The following IQCM variants were observed in gnomAD, a reference collection of about 807,000 sequenced individuals.
The protein encoded by IQCM is IQ domain-containing protein M.
A neutral mutation model predicts 57.6 loss-of-function variants in IQCM; 45 were observed. The ratio of observed to expected loss-of-function variants is 0.78; its 90% confidence interval spans 0.62 to 1.00. The LOEUF (loss-of-function observed/expected upper bound fraction) is 1.00. Ranked by LOEUF, IQCM falls within the 50% of genes least tolerant of loss-of-function variation. IQCM has a pLI of 0.00. For missense variants in IQCM, 468 were observed against 511.6 expected (o/e 0.91, Z 0.82); for synonymous variants, 148 against 158.9 (o/e 0.93, Z 0.51).
intron 12 of IQCM, among the ~76,000 whole-genome samples, chr4:149,541,490 T>A (rs1747845309): frequency 6.6e-6 from 1 of 152,104 alleles, no homozygotes; most frequent in Admixed American, 6.6e-5. Context: ...AAAGTTCACA[T>A]TTCTAAAGAC....
intron 7 of IQCM, among the ~76,000 whole-genome samples, chr4:149,660,117 A>G (rs1760036074): frequency 6.6e-6 from 1 of 151,122 alleles, no homozygotes; most frequent in Non-Finnish European, 1.5e-5. Flanking sequence ...TCTACAATGA[A>G]CTCAAACAAA....
chr4:149,612,713 T>TAC (rs139097495), intron 8 of IQCM, among the ~76,000 whole-genome samples: 32,124 of 151,996 alleles, frequency 0.21, 4,228 homozygotes, highest in Non-Finnish European at 0.28. Context: ...TAAATTAATA[T>TAC]AGTTTTTTCA....
At chr4:149,686,266 C>T (rs1341809291) in intron 6 of IQCM, 112 bp downstream of exon 6, 1 of 432,416 alleles carries the variant, frequency 2.3e-6, no homozygotes, top group African/African-American at 2.0e-5. Context: ...AAATTAGCTT[C>T]ATGTATGGGG....
chr4:149,487,926 G>T (rs181016428), intron 12 of IQCM, among the ~76,000 whole-genome samples: 2 of 151,938 alleles, frequency 1.3e-5, no homozygotes, highest in Non-Finnish European at 2.9e-5. Context: ...CTGGTTTTTG[G>T]TTCTTCAGAT....
At chr4:149,747,022 A>C (rs1347078211) in intron 2 of IQCM, among the ~76,000 whole-genome samples, 2 of 152,180 alleles carry the variant, frequency 1.3e-5, no homozygotes, top group Non-Finnish European at 2.9e-5. Context: ...TTCTCTGATA[A>C]GTATAAGCCC....
intron 7 of IQCM, among the ~76,000 whole-genome samples, chr4:149,653,825 A>G (rs373978480): frequency 1.3e-5 from 2 of 152,138 alleles, no homozygotes; most frequent in African/African-American, 4.8e-5. Flanking sequence ...CCTTGGTTAT[A>G]ATCTTGATGC....
intron 7 of IQCM, among the ~76,000 whole-genome samples, chr4:149,675,990 C>A (rs1761718949): frequency 6.6e-6 from 1 of 151,982 alleles, no homozygotes; most frequent in Admixed American, 6.6e-5. Context: ...TTATGTAGAG[C>A]ATTATTAGCT....
chr4:149,511,597 T>C (rs1374670588), intron 12 of IQCM, among the ~76,000 whole-genome samples: 1 of 151,960 alleles, frequency 6.6e-6, no homozygotes, highest in African/African-American at 2.4e-5. Context: ...AAAATGTATT[T>C]CGTGAGATCT....
At chr4:149,797,840 T>A (rs1174180399) in intron 2 of IQCM, among the ~76,000 whole-genome samples, 1 of 151,104 alleles carries the variant, frequency 6.6e-6, no homozygotes, top group Non-Finnish European at 1.5e-5. Flanking sequence ...TGATAAAAAA[T>A]ATCCTTTAAA....
chr4:149,657,635 G>C (rs1029089666), intron 7 of IQCM, among the ~76,000 whole-genome samples: 3 of 152,052 alleles, frequency 2.0e-5, no homozygotes, highest in African/African-American at 7.2e-5. Context: ...CAGTATATAA[G>C]TGTTTCCTTT....
At chr4:149,775,305 C>T (rs909212979) in intron 2 of IQCM, among the ~76,000 whole-genome samples, 1 of 151,818 alleles carries the variant, frequency 6.6e-6, no homozygotes, top group African/African-American at 2.4e-5. Flanking sequence ...TACTATTTCT[C>T]AGCCCAAGAC....
intron 12 of IQCM, among the ~76,000 whole-genome samples, chr4:149,473,087 C>A (rs866942898): frequency 6.6e-6 from 1 of 152,116 alleles, no homozygotes; most frequent in Non-Finnish European, 1.5e-5. Context: ...ACTAAAACAC[C>A]AACAGCAATG....
intron 2 of IQCM, among the ~76,000 whole-genome samples, chr4:149,757,895 A>T (rs1234595962): frequency 6.6e-6 from 1 of 152,210 alleles, no homozygotes; most frequent in African/African-American, 2.4e-5. Context: ...GTTAAAAGTG[A>T]ACAATAAAGA....
intron 5 of IQCM, among the ~76,000 whole-genome samples, chr4:149,688,755 C>G (rs1762731569): frequency 6.6e-6 from 1 of 151,860 alleles, no homozygotes; most frequent in South Asian, 2.1e-4. Context: ...TAAAAATAGG[C>G]ATATAAACCA....
At chr4:149,606,989 G>A (rs945067208) in intron 8 of IQCM, among the ~76,000 whole-genome samples, 2 of 152,070 alleles carry the variant, frequency 1.3e-5, no homozygotes, top group African/African-American at 4.8e-5. Context: ...AGAGTAGAAA[G>A]TTTACTCAAA....
Position 149,548,565 on chromosome 4 carries a change from CT to C in IQCM, c.1117del (p.Arg373GlyfsTer46), listed in dbSNP as rs1326187665. ...KKFYEIMFAKREDWPKIERNE... is the reference protein window; with the variant it reads ...KKFYEIMFAKXEDWPKIERNE... ...TCTTTCAATTTTTGGCCAATCTTCC[CT>C]CTTAGCAAACATTATTTCATAGACT... is the stretch of plus-strand genomic sequence containing the variant. On this transcript the variant is annotated frameshift_variant, in exon 12 of 14. Coordinates refer to ENST00000636793, the MANE Select transcript of IQCM (RefSeq NM_001363507.2). LOFTEE classifies it high-confidence loss of function. 2 of 1,227,362 alleles carry C rather than the reference CT, an allele frequency of 1.6e-6. No individual in the cohort carries two copies. The highest frequency in any genetic ancestry group is 3.1e-5 in the African/African-American group (2 of 64,300). The allele number at this position is 1,227,362 out of a possible 1,614,324, so 76.0% of individuals were successfully genotyped here. A position where few individuals can be genotyped will look rare whatever the true frequency, so the allele number is the denominator to read the frequency against.
chr4:149,481,696 G>GTTTTT (rs1197852884), intron 12 of IQCM, among the ~76,000 whole-genome samples: 16 of 33,608 alleles, frequency 4.8e-4, no homozygotes, highest in Admixed American at 9.2e-4. Flanking sequence ...GATTCTTCCA[G>GTTTTT]TTTTGTTTTT....
chr4:149,404,693 T>C (rs754957079), intron 13 of IQCM, among the ~76,000 whole-genome samples: 4 of 151,990 alleles, frequency 2.6e-5, no homozygotes, highest in East Asian at 1.9e-4. Context: ...TTAGTGACCA[T>C]AGATAGGACA....
At chr4:149,503,072 A>G (rs1458196390) in intron 12 of IQCM, among the ~76,000 whole-genome samples, 1 of 152,078 alleles carries the variant, frequency 6.6e-6, no homozygotes, top group African/African-American at 2.4e-5. Context: ...GTTATTTTAA[A>G]TTAGCCAGTG....
Sources: gnomAD v4.1 joint callset for allele counts (sites outside exome capture counted in the v4.1 genomes callset) on GRCh38, gnomAD v4.1.1 for gene constraint, MANE v1.5 for transcripts, NCBI Gene and HGNC (gene_info 2026-07-23, HGNC 2026-07-21) for gene names.